SQSTM1: variants seen among roughly 807,000 people sequenced by gnomAD.
SQSTM1 encodes the protein sequestosome 1.
In SQSTM1, 36 loss-of-function variants were observed where a neutral mutation model predicts 45.1. The ratio of observed to expected loss-of-function variants is 0.80; its 90% confidence interval spans 0.61 to 1.05. SQSTM1 has a LOEUF of 1.05. Among genes scored for constraint, SQSTM1 ranks in the 50% least tolerant of loss-of-function variants. The probability of loss-of-function intolerance (pLI) is 0.00; values close to 1 mark genes in which losing one functional copy is unlikely to be tolerated. For synonymous variants in SQSTM1, 290 were observed against 244.3 expected (o/e 1.19, Z -1.74); for missense variants, 617 against 607.1 (o/e 1.02, Z -0.17).
intron 2 of SQSTM1, chr5:179,813,583 C>T (rs1300754378): frequency 6.6e-6 from 1 of 151,560 alleles, no homozygotes; most frequent in East Asian, 1.9e-4. Context: ...CGAGACCCTC[C>T]TCTCTGTGAG....
rs1356848590 is a variant in SQSTM1 at position 179,806,576 on chromosome 5, A to G, written c.-172A>G. On this transcript the variant is annotated 5_prime_UTR_variant, in exon 1 of 6. Coordinates refer to the SQSTM1 transcript ENST00000514093. This position sits in a 1 kb window ranked among gnomAD's most constrained non-coding sequence, Gnocchi z 4.6. Reference sequence around the variant, plus strand: ...CAGCGTCAGGAAGGTGCCATTGCGGAGCCTCATCTCCTCGGGTGCGCGGCG... The same window carrying G: ...CAGCGTCAGGAAGGTGCCATTGCGGGGCCTCATCTCCTCGGGTGCGCGGCG... 7.8e-7 allele frequency: 1 copy of G among 1,283,162 alleles called. No homozygotes were observed. Among genetic ancestry groups the G allele is most frequent in the Non-Finnish European group, 1.0e-6 (1 of 987,204 alleles). The allele number at this position is 1,283,162 out of a possible 1,614,324, so 79.5% of individuals were successfully genotyped here. A position where few individuals can be genotyped will look rare whatever the true frequency, so the allele number is the denominator to read the frequency against.
chr5:179,831,611 G>A (rs115091858), intron 5 of SQSTM1, among the ~76,000 whole-genome samples: 1,571 of 152,152 alleles, frequency 0.01, 27 homozygotes, highest in African/African-American at 0.036. Context: ...GCAGTGAGCC[G>A]AGAGATTGCG....
chr5:179,827,420 G>T (rs867630362), intron 5 of SQSTM1, among the ~76,000 whole-genome samples: 2 of 152,134 alleles, frequency 1.3e-5, no homozygotes, highest in Non-Finnish European at 2.9e-5. Flanking sequence ...GAGTAGCTGG[G>T]ACCACAGGCG....
chr5:179,819,715 C>A (rs184543084), upstream of SQSTM1, among the ~76,000 whole-genome samples: 13 of 152,194 alleles, frequency 8.5e-5, no homozygotes, highest in Non-Finnish European at 1.8e-4. Context: ...TCTCCACCGC[C>A]GGATGCAGGG....
chr5:179,836,224 G>C (rs1758546812), intron 7 of SQSTM1: 1 of 635,900 alleles, frequency 1.6e-6, no homozygotes, highest in South Asian at 1.8e-5. Flanking sequence ...TGGCTGCCTG[G>C]TGTCGCAGTG....
chr5:179,836,767 C>CTGTG lies in SQSTM1; in HGVS notation c.*185_*188dup, dbSNP rs10688915. On this transcript the variant is annotated 3_prime_UTR_variant, in exon 8 of 8. Coordinates refer to ENST00000389805, the MANE Select transcript of SQSTM1 (RefSeq NM_003900.5). Reference sequence around the variant, plus strand: ...AACAAGTGACATGAAGGGAGGGTCCCTGTGTGTGTGTGTGCTGATGTTTCC... The same window carrying CTGTG: ...AACAAGTGACATGAAGGGAGGGTCCCTGTGTGTGTGTGTGTGTGCTGATGTTTCC... 6.0e-5 allele frequency: 57 copies of CTGTG among 944,856 alleles called. No individual in the cohort carries two copies. In the Middle Eastern group the frequency reaches 7.2e-4, roughly 12 times the overall value. The allele number at this position is 944,856 out of a possible 1,614,324, so 58.5% of individuals were successfully genotyped here. A position where few individuals can be genotyped will look rare whatever the true frequency, so the allele number is the denominator to read the frequency against.
chr5:179,831,519 G>A (rs1249204792), intron 5 of SQSTM1, among the ~76,000 whole-genome samples: 1 of 152,052 alleles, frequency 6.6e-6, no homozygotes, highest in Non-Finnish European at 1.5e-5. Context: ...AAAATTAGCT[G>A]GGCGTGGTGG....
Position 179,824,431 on chromosome 5 carries a change from CCCA to C in SQSTM1, c.673+111_673+113del, listed in dbSNP as rs1757918818. On this transcript the variant is annotated intron_variant, in intron 4 of 7. Coordinates refer to ENST00000389805, the MANE Select transcript of SQSTM1 (RefSeq NM_003900.5). ...TGCAAGGCAAGAATTCAGGATACCCCCCACCTTCCTGGTGCCCTACAATCACAC... is the reference window on the plus strand; with the variant it reads ...TGCAAGGCAAGAATTCAGGATACCCCCCTTCCTGGTGCCCTACAATCACAC... 5.3e-5 allele frequency: 80 copies of C among 1,506,676 alleles called. No individual in the cohort carries two copies. In the South Asian group the frequency reaches 8.8e-4, roughly 17 times the overall value. 93.3% of individuals were successfully genotyped at this position (1,506,676 alleles called of 1,614,324 possible).
chr5:179,811,406 GAGCTATGCAGGGGGGA>G, intron 1 of SQSTM1, among the ~76,000 whole-genome samples: 8 of 105,606 alleles, frequency 7.6e-5, no homozygotes, highest in South Asian at 4.9e-4. Context: ...GCAGGGGGAG[GAGCTATGCAGGGGGGA>G]GGAGCTTGGT....
At chr5:179,830,324 A>C (rs1173202308) in intron 5 of SQSTM1, among the ~76,000 whole-genome samples, 1 of 152,208 alleles carries the variant, frequency 6.6e-6, no homozygotes. Context: ...ACAAAGAGCA[A>C]ACAAACATGA....
intron 6 of SQSTM1, 100 bp downstream of exon 6, chr5:179,833,346 C>G (rs1239660219): frequency 2.5e-6 from 3 of 1,224,102 alleles, no homozygotes; most frequent in Non-Finnish European, 2.3e-6. Flanking sequence ...GCCCCACTTA[C>G]AAACCCGAGG....
At chr5:179,820,786 G>T (rs908168121), upstream of SQSTM1, 4 of 675,596 alleles carry the variant, frequency 5.9e-6, no homozygotes, top group African/African-American at 3.8e-5. Flanking sequence ...TCTGCAGGGC[G>T]GCTCTCGCGC....
intron 5 of SQSTM1, among the ~76,000 whole-genome samples, chr5:179,826,147 C>T (rs1280406990): frequency 2.0e-5 from 3 of 152,004 alleles, no homozygotes; most frequent in East Asian, 1.9e-4. Flanking sequence ...CTGCCATCTG[C>T]TCCAACTTTG....
Position 179,836,840 on chromosome 5 carries a change from GCTCACTGCAGCGCGCTCCTGACCC to G in SQSTM1, c.*251_*274del. On this transcript the variant is annotated 3_prime_UTR_variant, in exon 8 of 8. Coordinates refer to ENST00000389805, the MANE Select transcript of SQSTM1 (RefSeq NM_003900.5). ...CAGGGCTGGGCCTGCGAGACCCAAGGCTCACTGCAGCGCGCTCCTGACCCCTCCCTGCAGGGGCTACGTTAGCAG... is the reference window on the plus strand; with the variant it reads ...CAGGGCTGGGCCTGCGAGACCCAAGGCTCCCTGCAGGGGCTACGTTAGCAG... 1 of 654,292 alleles carries G rather than the reference GCTCACTGCAGCGCGCTCCTGACCC, an allele frequency of 1.5e-6. No individual in the cohort carries two copies. Among genetic ancestry groups the G allele is most frequent in the East Asian group, 2.7e-5 (1 of 36,912 alleles). The allele number at this position is 654,292 out of a possible 1,614,324, so 40.5% of individuals were successfully genotyped here.
At chr5:179,811,861 G>C (rs1382211837) in intron 2 of SQSTM1, 1 of 152,262 alleles carries the variant, frequency 6.6e-6, no homozygotes. Context: ...CTGGAGTGCA[G>C]TGGCGCCATC....
At position 179,837,183 on chromosome 5, in the gene SQSTM1, A is replaced by G. The variant is rs1561610905; in HGVS notation, c.*590A>G. The G allele has an allele frequency of 5.9e-6, 9 of 1,527,072 alleles. No individual in the cohort carries two copies. Among genetic ancestry groups the G allele is most frequent in the Non-Finnish European group, 7.9e-6 (9 of 1,134,388 alleles). 94.6% of individuals were successfully genotyped at this position (1,527,072 alleles called of 1,614,324 possible). ...TTCCAAACCATCAGCTGCTTTTAAA[A>G]TAAGATCTCTTTGTAGCCATCCTGT... On this transcript the variant is annotated 3_prime_UTR_variant, in exon 8 of 8. Transcript: ENST00000389805.
At chr5:179,830,132 CA>C (rs3061786) in intron 5 of SQSTM1, among the ~76,000 whole-genome samples, 3 of 41,612 alleles carry the variant, frequency 7.2e-5, no homozygotes, top group African/African-American at 3.7e-4. Flanking sequence ...CAAAACAAAA[CA>C]AAAAACAAAA....
At position 179,823,047 on chromosome 5, in the gene SQSTM1, A is replaced by C. The variant is rs537142935; in HGVS notation, c.295A>C (p.Ile99Leu). ...GAAGGATGACATCTTCCGAATCTAC[A>C]TTAAAGGTAAGGGGCTGCTCTGGGG... ...YVKDDIFRIY[I>L]KEKKECRRDH... The change falls in exon 2 of 8, where the codon ATT (isoleucine) becomes CTT (leucine). Residue 99 changes from isoleucine (I) to leucine (L), a missense_variant. Ile to Leu is a conservative substitution (Grantham distance 5). Transcript: ENST00000389805. The C allele has an allele frequency of 2.7e-5, 43 of 1,614,002 alleles. No individual in the cohort carries two copies. In the East Asian group the frequency reaches 9.1e-4, roughly 34 times the overall value.
chr5:179,807,553 C>T (rs1358507166), intron 1 of SQSTM1: 2 of 152,412 alleles, frequency 1.3e-5, no homozygotes, highest in South Asian at 2.1e-4. Context: ...GGGCCCTGCC[C>T]CCGGTGGTGT....
Sources: gnomAD v4.1 joint callset for allele counts (sites outside exome capture counted in the v4.1 genomes callset) on GRCh38, gnomAD v4.1.1 for gene constraint, Gnocchi (gnomAD v3.1) non-coding constraint, MANE v1.5 for transcripts, NCBI Gene and HGNC (gene_info 2026-07-23, HGNC 2026-07-21) for gene names.